RBFOX1: variants seen among roughly 807,000 people sequenced by gnomAD.
RBFOX1 encodes RNA binding protein fox-1 homolog 1.
RBFOX1 carries 8 observed loss-of-function variants against 57.7 expected under a neutral mutation model. The observed-to-expected ratio is 0.14, with a 90% confidence interval of 0.08 to 0.25. RBFOX1 has a LOEUF of 0.25. RBFOX1 is among the 10% of genes least tolerant of loss of function. The pLI is 1.00. For missense variants in RBFOX1, 611 were observed against 548.5 expected, an observed-to-expected ratio of 1.11 and a Z score of -1.14; for synonymous variants, 326 against 222.4, an observed-to-expected ratio of 1.47 and a Z score of -4.15.
intron 4 of RBFOX1, among the ~76,000 whole-genome samples, chr16:7,489,609 G>A (rs2066394919): frequency 6.6e-6 from 1 of 151,844 alleles, no homozygotes; most frequent in South Asian, 2.1e-4. Context: ...TCGAACTCCC[G>A]GACTCAAGAA....
chr16:7,020,795 G>T (rs899183809), intron 3 of RBFOX1, among the ~76,000 whole-genome samples: 1 of 152,034 alleles, frequency 6.6e-6, no homozygotes, highest in African/African-American at 2.4e-5. Context: ...AATGTTCCCA[G>T]TATCCACCAC....
chr16:6,595,068 T>C (rs76986067), intron 2 of RBFOX1, among the ~76,000 whole-genome samples: 13,449 of 152,220 alleles, frequency 0.088, 1,008 homozygotes, highest in East Asian at 0.4. Context: ...ATTACAGGCA[T>C]GAGCCACCGC....
intron 3 of RBFOX1, among the ~76,000 whole-genome samples, chr16:5,656,446 C>T (rs775449171): frequency 2.6e-5 from 4 of 152,114 alleles, no homozygotes; most frequent in Non-Finnish European, 4.4e-5. Flanking sequence ...AGCCACTTTA[C>T]TAAGGTGTGA....
At chr16:5,615,720 A>G (rs1197750840) in intron 3 of RBFOX1, among the ~76,000 whole-genome samples, 1 of 152,172 alleles carries the variant, frequency 6.6e-6, no homozygotes, top group African/African-American at 2.4e-5. Flanking sequence ...ATTTTGTGGG[A>G]CCTGAGCCTG....
chr16:5,950,802 G>C (rs1221112785), intron 4 of RBFOX1, among the ~76,000 whole-genome samples: 2 of 152,056 alleles, frequency 1.3e-5, no homozygotes, highest in East Asian at 3.9e-4. Context: ...TAGGATACCT[G>C]AGTTCAAGGG....
chr16:6,498,853 C>A (rs1056485708), intron 2 of RBFOX1, among the ~76,000 whole-genome samples: 1 of 152,176 alleles, frequency 6.6e-6, no homozygotes, highest in South Asian at 2.1e-4. Flanking sequence ...TGGTAAAAGC[C>A]ATGGCACAGT....
At chr16:7,235,937 C>G (rs992318041) in intron 4 of RBFOX1, among the ~76,000 whole-genome samples, 1 of 152,142 alleles carries the variant, frequency 6.6e-6, no homozygotes, top group Non-Finnish European at 1.5e-5. Flanking sequence ...TTAATGACAG[C>G]CAATTTCAAT....
intron 3 of RBFOX1, among the ~76,000 whole-genome samples, chr16:5,787,586 A>G (rs1343457339): frequency 6.6e-6 from 1 of 152,206 alleles, no homozygotes; most frequent in Non-Finnish European, 1.5e-5. Context: ...ATACAGTGAT[A>G]AGTAAGTATA....
intron 2 of RBFOX1, among the ~76,000 whole-genome samples, chr16:5,524,539 AGTT>A (rs2044159037): frequency 8.0e-6 from 1 of 124,530 alleles, no homozygotes; most frequent in South Asian, 3.0e-4. Context: ...GTTGAGTAGT[AGTT>A]GCTTTTTTTT....
At chr16:6,966,654 G>C (rs1330087515) in intron 3 of RBFOX1, among the ~76,000 whole-genome samples, 1 of 152,188 alleles carries the variant, frequency 6.6e-6, no homozygotes, top group African/African-American at 2.4e-5. Context: ...TGATGTTGCT[G>C]TTAGGCATGA....
chr16:5,501,746 C>T (rs1482390269), intron 2 of RBFOX1, among the ~76,000 whole-genome samples: 1 of 152,130 alleles, frequency 6.6e-6, no homozygotes, highest in Non-Finnish European at 1.5e-5. Flanking sequence ...CAAGATCTTG[C>T]TCTGTCACCC....
chr16:7,506,933 A>G (rs1382072401), intron 4 of RBFOX1, among the ~76,000 whole-genome samples: 1 of 152,168 alleles, frequency 6.6e-6, no homozygotes, highest in African/African-American at 2.4e-5. Flanking sequence ...TTTTATCCCC[A>G]CAGTGGGACA....
At chr16:6,315,906 G>C (rs1192484438) in intron 1 of RBFOX1, among the ~76,000 whole-genome samples, 3 of 152,048 alleles carry the variant, frequency 2.0e-5, no homozygotes, top group Admixed American at 1.3e-4. Flanking sequence ...ATACACATAT[G>C]TCATCTTCAT....
intron 4 of RBFOX1, among the ~76,000 whole-genome samples, chr16:7,426,845 T>G (rs2149481050): frequency 6.6e-6 from 1 of 152,266 alleles, no homozygotes; most frequent in Non-Finnish European, 1.5e-5. Flanking sequence ...TCCTTGGTTA[T>G]CATACATGAG....
intron 3 of RBFOX1, among the ~76,000 whole-genome samples, chr16:6,851,097 G>A (rs2094034570): frequency 2.0e-5 from 3 of 152,154 alleles, no homozygotes. Context: ...ACTCCAGGGT[G>A]AGTTTCACTC....
At chr16:6,487,682 AAAAAAAAAAAAAAAAAAAATATATAT>A (rs1450971841) in intron 2 of RBFOX1, among the ~76,000 whole-genome samples, 56 of 13,678 alleles carry the variant, frequency 4.1e-3, no homozygotes, top group African/African-American at 5.0e-3. Flanking sequence ...GTAAAAAAAA[AAAAAAAAAAAAAAAAAAAATATATAT>A]ATATATATAT....
chr16:6,669,128 T>C (rs1568134236), intron 3 of RBFOX1, among the ~76,000 whole-genome samples: 1 of 152,338 alleles, frequency 6.6e-6, no homozygotes, highest in East Asian at 1.9e-4. Flanking sequence ...GCTGAAATTT[T>C]CTTCGTGTTG....
intron 6 of RBFOX1, among the ~76,000 whole-genome samples, chr16:7,580,878 C>T (rs770723250): frequency 4.6e-5 from 7 of 152,188 alleles, no homozygotes; most frequent in Non-Finnish European, 1.0e-4. Flanking sequence ...ACATCCTTAA[C>T]ATTTGACTTA....
intron 3 of RBFOX1, among the ~76,000 whole-genome samples, chr16:6,715,319 C>T (rs748655946): frequency 1.5e-4 from 23 of 151,654 alleles, no homozygotes; most frequent in Non-Finnish European, 2.5e-4. Context: ...TTCAAAACTG[C>T]CTTAGATTCT....
Sources: gnomAD v4.1 joint callset for allele counts (sites outside exome capture counted in the v4.1 genomes callset) on GRCh38, gnomAD v4.1.1 for gene constraint, MANE v1.5 for transcripts, NCBI Gene and HGNC (gene_info 2026-07-23, HGNC 2026-07-21) for gene names.